Variants in STAC observed in about 807,000 individuals in gnomAD.
STAC encodes the protein SH3 and cysteine-rich domain-containing protein.
A neutral mutation model predicts 48.8 loss-of-function variants in STAC; 43 were observed. The ratio of observed to expected loss-of-function variants is 0.88; its 90% CI spans 0.69 to 1.14. The LOEUF is 1.14. Ranked by LOEUF, STAC falls within the 50% of genes most tolerant of loss-of-function variation. STAC has a pLI of 0.00. For synonymous variants in STAC, 193 were observed against 179.5 expected (o/e 1.07, Z -0.60); for missense variants, 497 against 504.0 (o/e 0.99, Z 0.13).
rs1177157413 is a variant in STAC at position 36,443,116 on chromosome 3, A to G, written c.112-248A>G. ...GACTTTAAGGAGGCAGGGGAGGAGG[A>G]GCAGGGGCAGAATCAAAGGCAAAAT... On this transcript the variant is annotated intron_variant, in intron 1 of 10. Coordinates refer to ENST00000273183, the MANE Select transcript of STAC (RefSeq NM_003149.3). This position sits in a 1 kb window ranked among gnomAD's most constrained non-coding sequence, Gnocchi z 4.2. 6.6e-6 allele frequency among the ~76,000 whole-genome samples: 1 copy of G among 152,174 alleles called. No individual in the cohort carries two copies. The highest frequency in any genetic ancestry group is 2.4e-5 in the African/African-American group (1 of 41,444).
chr3:36,475,710 C>T (rs1420231266), intron 2 of STAC, among the ~76,000 whole-genome samples: 8 of 152,134 alleles, frequency 5.3e-5, no homozygotes, highest in Admixed American at 1.3e-4. Context: ...GAGAGAAGTC[C>T]ACAAGCAAAA....
chr3:36,486,107 T>C, intron 4 of STAC, 27 bp from the exon 5 acceptor site: 3 of 1,586,804 alleles, frequency 1.9e-6, no homozygotes, highest in Non-Finnish European at 2.6e-6. Context: ...ATGAGCTTCC[T>C]CAGATGAACT....
intron 2 of STAC, among the ~76,000 whole-genome samples, chr3:36,453,991 C>T (rs1046922000): frequency 2.0e-5 from 3 of 152,072 alleles, no homozygotes; most frequent in African/African-American, 7.2e-5. Context: ...CTGGTGGGGA[C>T]GTGGAGAACC....
rs150497764 is a variant in STAC at position 36,469,556 on chromosome 3, A to G, written c.389-13436A>G. On this transcript the variant is annotated intron_variant, in intron 2 of 10. Transcript: ENST00000273183. Reference sequence around the variant, plus strand: ...TACATAAACTGATGACAATGTGCCCAGGCAATGATCTTTTGTGATGAATTT... The same window carrying G: ...TACATAAACTGATGACAATGTGCCCGGGCAATGATCTTTTGTGATGAATTT... Among the ~76,000 whole-genome samples the G allele has an allele frequency of 2.1e-3, 319 of 152,318 alleles. 4 individuals carry two copies. Among genetic ancestry groups the G allele is most frequent in the African/African-American group, 7.3e-3 (302 of 41,580 alleles).
chr3:36,424,823 A>G (rs2125647535), intron 1 of STAC, among the ~76,000 whole-genome samples: 1 of 152,310 alleles, frequency 6.6e-6, no homozygotes, highest in East Asian at 1.9e-4. Flanking sequence ...GAGGAATTGT[A>G]ACCCATAGAA....
Position 36,443,541 on chromosome 3 carries a change from G to C in STAC, c.289G>C (p.Ala97Pro). 1 of 1,614,174 alleles carries C rather than the reference G, an allele frequency of 6.2e-7. No individual in the cohort carries two copies. The highest frequency in any genetic ancestry group is 8.5e-7 in the Non-Finnish European group (1 of 1,180,034). ...TCCAGGAAGCCTGACGTCCACACCC[G>C]CCAGGGCTGGTCTGCATCCAGGTGG... is the stretch of plus-strand genomic sequence containing the variant. ...PAPGSLTSTP[A>P]RAGLHPGGKA... The change falls in exon 2 of 11, where the codon GCC becomes CCC. Residue 97 changes from alanine (A) to proline (P), a missense_variant. By Grantham distance (27) the Ala-to-Pro change is conservative. Transcript: ENST00000273183. This position sits in a 1 kb window ranked among gnomAD's most constrained non-coding sequence, Gnocchi z 4.2.
intron 2 of STAC, among the ~76,000 whole-genome samples, chr3:36,478,385 T>C (rs1297644241): frequency 1.3e-5 from 2 of 151,764 alleles, no homozygotes; most frequent in Non-Finnish European, 3.0e-5. Flanking sequence ...AAATTGCCTT[T>C]TTTACTTCCT....
At chr3:36,492,031 A>AAAAAAATATATAT (rs1553639882) in intron 5 of STAC, among the ~76,000 whole-genome samples, 1 of 16,438 alleles carries the variant, frequency 6.1e-5, no homozygotes, top group Non-Finnish European at 1.2e-4. Flanking sequence ...AAAAAAAAAA[A>AAAAAAATATATAT]ATATATATAT....
At chr3:36,423,279 GCTTAGAAACATATAATCTAAC>G (rs1279265247) in intron 1 of STAC, among the ~76,000 whole-genome samples, 4 of 151,972 alleles carry the variant, frequency 2.6e-5, no homozygotes, top group Non-Finnish European at 4.4e-5. Context: ...TCAGCCAGAA[GCTTAGAAACATATAATCTAAC>G]CACATACCGA....
chr3:36,486,342 C>A, intron 5 of STAC, 93 bp downstream of exon 5: 1 of 1,084,744 alleles, frequency 9.2e-7, no homozygotes, highest in South Asian at 1.6e-5. Context: ...ACCTGACTGC[C>A]TCATGAGGGC....
In STAC at chr3:36,536,704, T is replaced by C. The variant is rs139118971; in HGVS notation, c.1110+7719T>C. 3.1e-3 allele frequency among the ~76,000 whole-genome samples: 479 copies of C among 152,124 alleles called. 1 individual carries two copies. The highest frequency in any genetic ancestry group is 0.011 in the African/African-American group (447 of 41,470). On this transcript the variant is annotated intron_variant, in intron 10 of 10. Transcript: ENST00000273183. ...GGGGATCTAATTAAACTAAAGAGCT[T>C]CTGCACAGCAAAAGAAACTATCAGA...
intron 10 of STAC, among the ~76,000 whole-genome samples, chr3:36,541,701 G>A (rs1030102247): frequency 1.3e-5 from 2 of 152,180 alleles, no homozygotes; most frequent in African/African-American, 4.8e-5. Flanking sequence ...CCAGAAGACC[G>A]TAAACTGCCT....
At chr3:36,416,119 T>C (rs759120024) in intron 1 of STAC, among the ~76,000 whole-genome samples, 4 of 152,208 alleles carry the variant, frequency 2.6e-5, no homozygotes, top group Non-Finnish European at 4.4e-5. Context: ...ATTTGTTCAG[T>C]ATCCTTTGGG....
chr3:36,398,340 A>AAAGC (rs1699902141), intron 1 of STAC, among the ~76,000 whole-genome samples: 1 of 138,520 alleles, frequency 7.2e-6, no homozygotes, highest in Non-Finnish European at 1.6e-5. Context: ...AGAAAGAAAG[A>AAAGC]AAGAAAGAAA....
intron 1 of STAC, among the ~76,000 whole-genome samples, chr3:36,421,329 A>C (rs1559484870): frequency 6.6e-6 from 1 of 152,196 alleles, no homozygotes; most frequent in African/African-American, 2.4e-5. Context: ...TGTAACTCTT[A>C]CATATTGTAC....
intron 2 of STAC, among the ~76,000 whole-genome samples, chr3:36,472,155 C>T (rs1339791989): frequency 6.6e-6 from 1 of 152,266 alleles, no homozygotes; most frequent in Non-Finnish European, 1.5e-5. Flanking sequence ...AGGCTCAACA[C>T]CACATAGAAG....
chr3:36,503,224 T>C (rs1230218538), intron 6 of STAC, among the ~76,000 whole-genome samples: 2 of 152,172 alleles, frequency 1.3e-5, no homozygotes, highest in African/African-American at 2.4e-5. Context: ...AGCTTTATTA[T>C]ATAAACTTGG....
chr3:36,443,274 G>A lies in STAC; in HGVS notation c.112-90G>A. 1 of 1,466,604 alleles carries A rather than the reference G, an allele frequency of 6.8e-7. No homozygotes were observed. The highest frequency in any genetic ancestry group is 9.3e-7 in the Non-Finnish European group (1 of 1,070,038). 90.8% of individuals were successfully genotyped at this position (1,466,604 alleles called of 1,614,324 possible). A position where few individuals can be genotyped will look rare whatever the true frequency, so the allele number is the denominator to read the frequency against. On this transcript the variant is annotated intron_variant, in intron 1 of 10. Coordinates refer to ENST00000273183, the MANE Select transcript of STAC (RefSeq NM_003149.3). This position sits in a 1 kb window ranked among gnomAD's most constrained non-coding sequence, Gnocchi z 4.2. ...AAGACGGAGGGTGTCAGTGGGGACT[G>A]TGTAGTGCACACAGCAGACCTTACC...
At chr3:36,380,968 C>T (rs1699498905) in intron 1 of STAC, among the ~76,000 whole-genome samples, 1 of 152,144 alleles carries the variant, frequency 6.6e-6, no homozygotes. Flanking sequence ...CATTCACACA[C>T]GCAATTCATG....
Sources: allele counts gnomAD v4.1 joint callset (sites outside exome capture counted in the v4.1 genomes callset), GRCh38; gene constraint gnomAD v4.1.1; non-coding constraint Gnocchi (gnomAD v3.1); transcripts MANE v1.5; gene names NCBI Gene and HGNC (gene_info 2026-07-23, HGNC 2026-07-21).